The following SENP6 variants were observed in gnomAD, a reference collection of about 807,000 sequenced individuals.
The protein encoded by SENP6 is SUMO specific peptidase 6, also known as sentrin-specific protease 6.
A neutral mutation model predicts 134.5 loss-of-function variants in SENP6; 41 were observed. The ratio of observed to expected loss-of-function variants is 0.30; its 90% CI spans 0.24 to 0.40. The LOEUF is 0.40. Ranked by LOEUF, SENP6 falls within the 10% of genes least tolerant of loss-of-function variation. SENP6 has a pLI of 1.00. For synonymous variants in SENP6, 395 were observed against 429.8 expected (o/e 0.92, Z 1.00); for missense variants, 1,248 against 1,312.5 (o/e 0.95, Z 0.76).
rs780963837 is a variant in SENP6, at chr6:75,670,539, C to A, written c.1225-14C>A. The A allele has an allele frequency of 5.0e-6, 8 of 1,584,854 alleles. No homozygotes were observed. The South Asian group carries it at 9.1e-5, about 18-fold the overall frequency. On this transcript the variant is annotated splice_polypyrimidine_tract_variant and intron_variant, in intron 10 of 23. Transcript: ENST00000447266. ...TAGTAAATTATTAAGTGAACATTTTCTTTTCCTTTTTAGTTTGGCAATTCT... is the reference window on the plus strand; with the variant it reads ...TAGTAAATTATTAAGTGAACATTTTATTTTCCTTTTTAGTTTGGCAATTCT...
chr6:75,683,889 T>C (rs1258985183), intron 16 of SENP6, among the ~76,000 whole-genome samples: 4 of 152,220 alleles, frequency 2.6e-5, no homozygotes, highest in Non-Finnish European at 5.9e-5. Flanking sequence ...GGCTCTTTTT[T>C]GGTTCCATAT....
intron 16 of SENP6, among the ~76,000 whole-genome samples, chr6:75,692,789 G>C (rs561089869): frequency 7.1e-6 from 1 of 141,262 alleles, no homozygotes; most frequent in African/African-American, 2.8e-5. Flanking sequence ...CCCTTCCCCC[G>C]CCAAAAAAAA....
chr6:75,647,860 A>G, intron 7 of SENP6, 59 bp downstream of exon 7: 2 of 1,296,996 alleles, frequency 1.5e-6, no homozygotes, highest in South Asian at 1.2e-5. Flanking sequence ...TGAAAAGTAC[A>G]ATGGAGATAC....
At chr6:75,674,645 T>C (rs1772947401) in intron 11 of SENP6, among the ~76,000 whole-genome samples, 1 of 152,206 alleles carries the variant, frequency 6.6e-6, no homozygotes, top group Admixed American at 6.5e-5. Flanking sequence ...TAATTTGTTA[T>C]TTCCCAGAGA....
chr6:75,606,264 C>A (rs1385413065), intron 1 of SENP6, among the ~76,000 whole-genome samples: 1 of 152,130 alleles, frequency 6.6e-6, no homozygotes, highest in Non-Finnish European at 1.5e-5. Context: ...TATACAAAAG[C>A]ACACTAAAAT....
At chr6:75,644,150 A>G (rs1266479493) in intron 6 of SENP6, 1 of 152,164 alleles carries the variant, frequency 6.6e-6, no homozygotes, top group Non-Finnish European at 1.5e-5. Flanking sequence ...TGGATGACAC[A>G]CGAATTAGTA....
At chr6:75,661,756 C>G (rs1771793484) in intron 8 of SENP6, among the ~76,000 whole-genome samples, 1 of 152,096 alleles carries the variant, frequency 6.6e-6, no homozygotes, top group South Asian at 2.1e-4. Flanking sequence ...TGTAAGAAAA[C>G]AAGATCTGTG....
chr6:75,675,826 G>T, intron 12 of SENP6, 34 bp from the exon 13 acceptor site: 2 of 1,534,684 alleles, frequency 1.3e-6, no homozygotes, highest in Non-Finnish European at 1.8e-6. Context: ...ACCCTCTTAA[G>T]AATTATTTTT....
chr6:75,686,031 AG>A (rs1199188316), intron 16 of SENP6, among the ~76,000 whole-genome samples: 4 of 152,120 alleles, frequency 2.6e-5, no homozygotes, highest in African/African-American at 9.7e-5. Flanking sequence ...TGGGAGTCTA[AG>A]TCTCTTTGTA....
At chr6:75,687,298 T>G in intron 16 of SENP6, among the ~76,000 whole-genome samples, 1 of 152,198 alleles carries the variant, frequency 6.6e-6, no homozygotes, top group Non-Finnish European at 1.5e-5. Context: ...GCTATTCATC[T>G]AATCTTTTTT....
chr6:75,620,582 T>A (rs1481005126), intron 1 of SENP6: 1 of 152,176 alleles, frequency 6.6e-6, no homozygotes, highest in Non-Finnish European at 1.5e-5. Flanking sequence ...CACCTCTTAA[T>A]ACCATCTGTA....
chr6:75,657,212 G>A (rs990197155), intron 7 of SENP6, among the ~76,000 whole-genome samples: 1 of 152,178 alleles, frequency 6.6e-6, no homozygotes, highest in Non-Finnish European at 1.5e-5. Context: ...CTGCTTTACT[G>A]TAAATTAAGT....
chr6:75,711,459 G>A (rs1011453166), intron 21 of SENP6, 43 bp downstream of exon 21: 3 of 1,305,574 alleles, frequency 2.3e-6, no homozygotes, highest in Non-Finnish European at 3.2e-6. Context: ...TAATTTTTAA[G>A]TATGCTCATA....
intron 1 of SENP6, among the ~76,000 whole-genome samples, chr6:75,612,904 A>G (rs192519266): frequency 2.0e-5 from 3 of 152,304 alleles, no homozygotes; most frequent in East Asian, 1.9e-4. Flanking sequence ...ACTTGAGGCC[A>G]GGAGTTCAAA....
intron 1 of SENP6, among the ~76,000 whole-genome samples, chr6:75,614,695 A>G (rs949999226): frequency 7.2e-5 from 11 of 152,128 alleles, no homozygotes; most frequent in Non-Finnish European, 1.0e-4. Flanking sequence ...GAATCCCCCA[A>G]TTATTAATAT....
At chr6:75,671,151 T>C (rs1204767991) in intron 11 of SENP6, among the ~76,000 whole-genome samples, 1 of 152,224 alleles carries the variant, frequency 6.6e-6, no homozygotes, top group Non-Finnish European at 1.5e-5. Flanking sequence ...AAGGACTTTG[T>C]GTACTTTATC....
chr6:75,715,668 C>CT lies in SENP6; in HGVS notation c.*75dup. On this transcript the variant is annotated 3_prime_UTR_variant, in exon 24 of 24. Transcript: ENST00000447266. ...AAATTTGGGTATAGACAATAAAGAA[C>CT]TGAAGTGCTCACTACTCAGTGATTT... 1 of 1,069,308 alleles carries CT rather than the reference C, an allele frequency of 9.4e-7. No homozygotes were observed. Among genetic ancestry groups the CT allele is most frequent in the East Asian group, 2.4e-5 (1 of 41,610 alleles). The allele number at this position is 1,069,308 out of a possible 1,614,324, so 66.2% of individuals were successfully genotyped here. A position where few individuals can be genotyped will look rare whatever the true frequency, so the allele number is the denominator to read the frequency against.
At chr6:75,616,974 C>T (rs778343809) in intron 1 of SENP6, among the ~76,000 whole-genome samples, 2 of 151,944 alleles carry the variant, frequency 1.3e-5, no homozygotes, top group South Asian at 2.1e-4. Context: ...ATTGATCCTC[C>T]GTCCAATCCT....
At chr6:75,640,535 A>G (rs997932810) in intron 5 of SENP6, 149 bp from the exon 6 acceptor site, 1 of 348,758 alleles carries the variant, frequency 2.9e-6, no homozygotes, top group African/African-American at 2.1e-5. Context: ...ACATGACTCA[A>G]AACATAGTAT....
Sources: allele counts gnomAD v4.1 joint callset (sites outside exome capture counted in the v4.1 genomes callset), GRCh38; gene constraint gnomAD v4.1.1; transcripts MANE v1.5; gene names NCBI Gene and HGNC (gene_info 2026-07-23, HGNC 2026-07-21).